Variants in DNAH6 observed in about 807,000 individuals in gnomAD.
DNAH6 encodes axonemal beta dynein heavy chain 6.
Under a neutral mutation model 491.4 loss-of-function variants are expected in DNAH6, and 340 were observed. The ratio of observed to expected loss-of-function variants is 0.69; its 90% CI spans 0.63 to 0.76. The LOEUF (loss-of-function observed/expected upper bound fraction) is 0.76, where lower values mean the gene tolerates loss of function less well. DNAH6 is among the 30% of genes least tolerant of loss of function. The pLI, the probability that DNAH6 is intolerant of heterozygous loss-of-function variation, is 0.00. For synonymous variants in DNAH6, 1,603 were observed against 1,686.1 expected (o/e 0.95, Z 1.21); for missense variants, 4,443 against 4,972.2 (o/e 0.89, Z 3.20).
chr2:84,577,498 G>C (rs1313555756), intron 13 of DNAH6, 90 bp downstream of exon 13: 9 of 906,976 alleles, frequency 9.9e-6, no homozygotes, highest in Non-Finnish European at 1.4e-5. Flanking sequence ...TTATTTTATA[G>C]TATTGCAAAT....
At chr2:84,501,946 G>A in the DNAH6 span, among the ~76,000 whole-genome samples, 1 of 151,528 alleles carries the variant, frequency 6.6e-6, no homozygotes, top group South Asian at 2.1e-4. Context: ...GCTAAAATTT[G>A]TCACTTTTGT....
chr2:84,595,612 A>G (rs1158283789), intron 17 of DNAH6, 34 bp from the exon 18 acceptor site: 1 of 1,503,348 alleles, frequency 6.7e-7, no homozygotes, highest in Admixed American at 2.4e-5. Flanking sequence ...TTTATGTTTT[A>G]ACTTGTTTTG....
the DNAH6 span, among the ~76,000 whole-genome samples, chr2:84,510,309 C>A: frequency 6.6e-6 from 1 of 152,192 alleles, no homozygotes; most frequent in African/African-American, 2.4e-5. Flanking sequence ...TCTCTTCTCG[C>A]TTCATTTCAT....
At chr2:84,818,484 CAAAAAAAAAAAAA>C (rs59242387) in intron 76 of DNAH6, among the ~76,000 whole-genome samples, 37 of 63,846 alleles carry the variant, frequency 5.8e-4, no homozygotes, top group African/African-American at 1.7e-3. Context: ...GACCCTATCT[CAAAAAAAAAAAAA>C]AAAAAAAAAA....
chr2:84,619,822 G>T lies in DNAH6; in HGVS notation c.3710G>T (p.Gly1237Val), dbSNP rs1018123804. 5.8e-6 allele frequency: 9 copies of T among 1,551,396 alleles called. No homozygotes were observed. The Admixed American group carries it at 5.9e-5, about 10-fold the overall frequency. The change falls in exon 24 of 77, where the codon GGA (glycine) becomes GTA (valine). Residue 1237 changes from glycine (G) to valine (V), a missense_variant. By Grantham distance (109) the Gly-to-Val change is moderately radical (BLOSUM62 -3). Transcript: ENST00000389394. ...TTTGCTCTCATGCCTCCTGCCGAAG[G>T]AAAGATTCCTGGTATTGATGGAGAA... ...LEFALMPPAEGKIPGIDGEPE... is the reference protein window; with the variant it reads ...LEFALMPPAEVKIPGIDGEPE...
Position 84,594,034 on chromosome 2 carries a change from G to T in DNAH6, c.2673G>T (p.Leu891Phe). The change falls in exon 17 of 77, where the codon TTG becomes TTT. Residue 891 changes from leucine to phenylalanine, a missense_variant. Physicochemically the swap from Leu to Phe is conservative, Grantham distance 22. This residue lies in a region of DNAH6 where 2,977 missense variants were observed against 3,296.6 expected (regional missense o/e 0.90). Transcript: ENST00000389394. The stretch of plus-strand genomic sequence containing the variant: ...GTGCTGAACTGAAGCTCAAACAATT[G>T]CTCTGGGATTCTTTCTCTGAATGGG... ...EVSAELKLKQ[L>F]LWDSFSEWDK... 1 of 1,550,994 alleles carries T rather than the reference G, an allele frequency of 6.4e-7. No individual in the cohort carries two copies.
chr2:84,676,909 A>G, intron 40 of DNAH6, 96 bp from the exon 41 acceptor site: 1 of 1,367,500 alleles, frequency 7.3e-7, no homozygotes. Flanking sequence ...AAAAAAATGT[A>G]ATGCAATGCT....
intron 10 of DNAH6, among the ~76,000 whole-genome samples, chr2:84,556,073 G>T (rs1679988948): frequency 6.6e-6 from 1 of 152,148 alleles, no homozygotes; most frequent in South Asian, 2.1e-4. Flanking sequence ...GCCTGTAGTA[G>T]CATCTTTCAC....
chr2:84,732,263 G>GTTT (rs112627636), intron 61 of DNAH6, among the ~76,000 whole-genome samples: 21,442 of 151,994 alleles, frequency 0.14, 1,711 homozygotes, highest in African/African-American at 0.22. Context: ...CAGATCTGGA[G>GTTT]TTTTTTCAGT....
chr2:84,769,351 C>A (rs1485790474), intron 64 of DNAH6, among the ~76,000 whole-genome samples: 1 of 152,246 alleles, frequency 6.6e-6, no homozygotes, highest in Non-Finnish European at 1.5e-5. Flanking sequence ...TGGGCTGGAA[C>A]CTGACACTTG....
At chr2:84,767,620 A>G (rs1411434117) in intron 64 of DNAH6, among the ~76,000 whole-genome samples, 1 of 152,138 alleles carries the variant, frequency 6.6e-6, no homozygotes, top group African/African-American at 2.4e-5. Flanking sequence ...AATTTGATGA[A>G]TTGAAAGTAT....
chr2:84,547,357 C>T lies in DNAH6; in HGVS notation c.1020C>T (p.Tyr340=), dbSNP rs1169560035. 2 of 1,551,610 alleles carry T rather than the reference C, an allele frequency of 1.3e-6. No homozygotes were observed. Among genetic ancestry groups the T allele is most frequent in the Non-Finnish European group, 1.7e-6 (2 of 1,146,924 alleles). Residue 340 remains tyrosine (Y), a synonymous_variant, in exon 6 of 77, where the codon TAC becomes TAT. Coordinates refer to ENST00000389394, the MANE Select transcript of DNAH6 (RefSeq NM_001370.2). ...GTTATATTGAAAAGTGTCACACCTA[C>T]ACCCTGCAGGAATTTAAGGCCGCAC... ...GLCYIEKCHT[Y]TLQEFKAAQV...
intron 61 of DNAH6, among the ~76,000 whole-genome samples, chr2:84,730,026 C>A (rs1328582200): frequency 2.0e-5 from 3 of 151,932 alleles, no homozygotes; most frequent in Non-Finnish European, 4.4e-5. Flanking sequence ...GCAAAAGGGC[C>A]CTGGAAGAGA....
rs1299666374 is a variant in DNAH6 at position 84,549,995 on chromosome 2, C to G, written c.1423C>G (p.Pro475Ala). The change falls in exon 9 of 77, where the codon CCT becomes GCT. Residue 475 changes from proline (P) to alanine (A), a missense_variant. Physicochemically the swap from Pro to Ala is conservative, Grantham distance 27. Transcript: ENST00000389394. ...TCTCACTGACAAGCTAAAACGAACA[C>G]CTTCAGCAGATGTCATTCAGAAATG... ...NHLTDKLKRT[P>A]SADVIQKWIT... 1.2e-6 allele frequency: 2 copies of G among 1,613,990 alleles called. No homozygotes were observed. Among genetic ancestry groups the G allele is most frequent in the Non-Finnish European group, 1.7e-6 (2 of 1,179,954 alleles).
In DNAH6 at chr2:84,595,692, C is replaced by T; in HGVS notation, c.2771C>T (p.Ser924Phe). 6.4e-7 allele frequency: 1 copy of T among 1,551,024 alleles called. No homozygotes were observed. The highest frequency in any genetic ancestry group is 1.2e-5 in the South Asian group (1 of 83,876). The stretch of plus-strand genomic sequence containing the variant: ...CCAGAAGTCCTAAACGGTCAAGTTT[C>T]TAAATATGCTAAATTTGTGACTCAA... ...LDPEVLNGQVSKYAKFVTQLE... is the reference protein window; with the variant it reads ...LDPEVLNGQVFKYAKFVTQLE... The change falls in exon 18 of 77, where the codon TCT (serine) becomes TTT (phenylalanine). Residue 924 changes from serine to phenylalanine, a missense_variant. Coordinates refer to ENST00000389394, the MANE Select transcript of DNAH6 (RefSeq NM_001370.2).
At chr2:84,604,718 T>C (rs1685584750) in intron 19 of DNAH6, among the ~76,000 whole-genome samples, 167 bp downstream of exon 19, 2 of 152,138 alleles carry the variant, frequency 1.3e-5, no homozygotes, top group Admixed American at 1.3e-4. Context: ...TTATCACCTC[T>C]AAAAATCTCC....
intron 54 of DNAH6, 92 bp downstream of exon 54, chr2:84,707,808 TC>T: frequency 1.1e-6 from 1 of 922,964 alleles, no homozygotes; most frequent in Non-Finnish European, 1.6e-6. Context: ...ATGGAGGCTC[TC>T]CACTGTAGAG....
the DNAH6 span, among the ~76,000 whole-genome samples, chr2:84,460,788 C>T: frequency 1.3e-5 from 2 of 152,192 alleles, no homozygotes; most frequent in Non-Finnish European, 2.9e-5. Flanking sequence ...GTCTCACTAA[C>T]GCAGGCCTCC....
At chr2:84,692,440 GA>G (rs1694955474) in intron 45 of DNAH6, among the ~76,000 whole-genome samples, 1 of 148,454 alleles carries the variant, frequency 6.7e-6, no homozygotes, top group African/African-American at 2.6e-5. Context: ...TAGATAGATA[GA>G]TAGATAGATA....
Sources: allele counts gnomAD v4.1 joint callset (sites outside exome capture counted in the v4.1 genomes callset), GRCh38; gene constraint gnomAD v4.1.1; regional missense constraint gnomAD v4.1.1; transcripts MANE v1.5; gene names NCBI Gene and HGNC (gene_info 2026-07-23, HGNC 2026-07-21).